CPNE5: variants seen among roughly 807,000 people sequenced by gnomAD.
CPNE5 encodes copine 5, also known as copine-5.
CPNE5 carries 42 observed loss-of-function variants against 81.1 expected under a neutral mutation model. That is an observed-to-expected ratio of 0.52 (90% CI 0.40 to 0.67). The LOEUF is 0.67. Among genes scored for constraint, CPNE5 ranks in the 30% least tolerant of loss-of-function variants. The probability of loss-of-function intolerance (pLI) is 0.00; values close to 1 mark genes in which losing one functional copy is unlikely to be tolerated. For missense variants in CPNE5, 612 were observed against 815.5 expected, an observed-to-expected ratio of 0.75 and a Z score of 3.04; for synonymous variants, 313 against 321.5, an observed-to-expected ratio of 0.97 and a Z score of 0.28.
At chr6:36,772,342 C>G (rs1283211908) in intron 10 of CPNE5, among the ~76,000 whole-genome samples, 1 of 152,122 alleles carries the variant, frequency 6.6e-6, no homozygotes, top group African/African-American at 2.4e-5. Context: ...ACTGCTCCAA[C>G]CAGCCCGTCC....
At chr6:36,750,119 G>T (rs975142067) in intron 14 of CPNE5, among the ~76,000 whole-genome samples, 4 of 152,322 alleles carry the variant, frequency 2.6e-5, no homozygotes, top group African/African-American at 9.6e-5. Context: ...GGGATTATGA[G>T]GACACGAGGC....
At chr6:36,818,326 G>A (rs79513558) in intron 3 of CPNE5, among the ~76,000 whole-genome samples, 57 of 152,106 alleles carry the variant, frequency 3.7e-4, no homozygotes, top group Middle Eastern at 6.8e-3. Context: ...GTCGTTTCCC[G>A]TTAGGATTGT....
At chr6:36,765,218 T>C in intron 11 of CPNE5, 117 bp downstream of exon 11, 52 of 640,208 alleles carry the variant, frequency 8.1e-5, no homozygotes, top group South Asian at 1.5e-4. Flanking sequence ...CCAGGCTCCC[T>C]CACCCCCAGA....
At chr6:36,832,584 T>A (rs993705512) in intron 1 of CPNE5, among the ~76,000 whole-genome samples, 1 of 152,196 alleles carries the variant, frequency 6.6e-6, no homozygotes, top group Non-Finnish European at 1.5e-5. Flanking sequence ...ACTGCTAAGA[T>A]GATAGCAAAA....
Position 36,745,496 on chromosome 6 carries a change from G to A in CPNE5, c.1220C>T (p.Pro407Leu). The change falls in exon 17 of 21, where the codon CCC (proline) becomes CTC (leucine). Residue 407 changes from proline (P) to leucine (L), a missense_variant. By Grantham distance (98) the Pro-to-Leu change is moderately conservative. Transcript: ENST00000244751. ...EFPLNGNQEN[P>L]SCCGIDGILE... ...GATGCCGTCGATGCCACAGCATGAGGGGTTCTCCTGGTTGCCATTCTGGGG... is the reference window on the plus strand; with the variant it reads ...GATGCCGTCGATGCCACAGCATGAGAGGTTCTCCTGGTTGCCATTCTGGGG... 1 of 1,599,392 alleles carries A rather than the reference G, an allele frequency of 6.3e-7. No homozygotes were observed. Among genetic ancestry groups the A allele is most frequent in the Non-Finnish European group, 8.5e-7 (1 of 1,173,272 alleles).
intron 3 of CPNE5, among the ~76,000 whole-genome samples, chr6:36,800,671 A>G (rs907400578): frequency 6.6e-6 from 1 of 152,172 alleles, no homozygotes; most frequent in African/African-American, 2.4e-5. Flanking sequence ...CTAGTGACAC[A>G]CTTGTACTGA....
intron 14 of CPNE5, 71 bp downstream of exon 14, chr6:36,752,963 C>T (rs1765010506): frequency 1.1e-5 from 14 of 1,300,596 alleles, no homozygotes; most frequent in African/African-American, 1.5e-5. Flanking sequence ...GGGGCCAGAG[C>T]CGGTCCTGTC....
intron 10 of CPNE5, among the ~76,000 whole-genome samples, chr6:36,767,660 G>A (rs972005585): frequency 6.6e-6 from 1 of 152,246 alleles, no homozygotes; most frequent in Non-Finnish European, 1.5e-5. Context: ...ATGACCACAT[G>A]CTCAGAGGCT....
intron 3 of CPNE5, among the ~76,000 whole-genome samples, chr6:36,821,800 C>T (rs753916656): frequency 2.0e-5 from 3 of 152,166 alleles, no homozygotes; most frequent in African/African-American, 4.8e-5. Context: ...GCTGCACTCA[C>T]GCCTCCAGCC....
chr6:36,792,289 C>T (rs549776661), intron 7 of CPNE5, 193 bp from the exon 8 acceptor site: 69 of 1,471,764 alleles, frequency 4.7e-5, no homozygotes, highest in South Asian at 1.5e-4. Context: ...TTCCTGGGAC[C>T]GGGTCCCCGA....
chr6:36,774,546 G>A (rs1308081949), intron 10 of CPNE5, among the ~76,000 whole-genome samples: 1 of 152,058 alleles, frequency 6.6e-6, no homozygotes, highest in African/African-American at 2.4e-5. Context: ...CTGCTTCCCT[G>A]CTGCCATCTG....
intron 3 of CPNE5, among the ~76,000 whole-genome samples, chr6:36,802,019 G>A (rs1770151490): frequency 6.6e-6 from 1 of 152,194 alleles, no homozygotes; most frequent in East Asian, 1.9e-4. Flanking sequence ...AAGAGATCGA[G>A]ACCATCCTGG....
intron 8 of CPNE5, among the ~76,000 whole-genome samples, chr6:36,779,989 G>A (rs1687221201): frequency 1.3e-5 from 2 of 148,154 alleles, no homozygotes; most frequent in African/African-American, 2.5e-5. Context: ...TTTTTGAGAC[G>A]GTGTCTCACT....
intron 14 of CPNE5, among the ~76,000 whole-genome samples, chr6:36,750,767 TCTGGC>T (rs1489531894): frequency 1.3e-5 from 2 of 152,296 alleles, no homozygotes; most frequent in East Asian, 3.9e-4. Context: ...GGAAGATGAT[TCTGGC>T]CTGTGGGACT....
Position 36,746,389 on chromosome 6 carries a change from C to A in CPNE5, c.1200+7G>T. The A allele has an allele frequency of 6.2e-7, 1 of 1,606,760 alleles. No individual in the cohort carries two copies. The highest frequency in any genetic ancestry group is 8.5e-7 in the Non-Finnish European group (1 of 1,176,948). On this transcript the variant is annotated splice_region_variant and intron_variant, in intron 16 of 20. Transcript: ENST00000244751. The surrounding 1 kb of genome is among the most constrained non-coding windows in gnomAD (Gnocchi z 4.5). ...CAGTCCTCTCTCCCACCAGCGGGAC[C>A]ACCTACCAGTGGGAACTCGTGGGAC...
intron 8 of CPNE5, among the ~76,000 whole-genome samples, chr6:36,783,526 C>T (rs1394941344): frequency 2.0e-5 from 3 of 151,120 alleles, no homozygotes; most frequent in African/African-American, 2.4e-5. Flanking sequence ...GACAGGTTCT[C>T]TCTCTCTCTC....
chr6:36,744,326 C>T lies in CPNE5; in HGVS notation c.1432-1G>A. The T allele has an allele frequency of 6.3e-7, 1 of 1,580,650 alleles. No homozygotes were observed. Among genetic ancestry groups the T allele is most frequent in the Non-Finnish European group, 8.6e-7 (1 of 1,163,642 alleles). On this transcript the variant is annotated splice_acceptor_variant, in intron 18 of 20. Transcript: ENST00000244751. LOFTEE classifies it high-confidence loss of function. ...TGATGGACATGGGGAGCTTGGCAGCCTGGGAGACAGCATGGGGGGCAGGGA... is the reference window on the plus strand; with the variant it reads ...TGATGGACATGGGGAGCTTGGCAGCTTGGGAGACAGCATGGGGGGCAGGGA...
intron 2 of CPNE5, 132 bp downstream of exon 2, chr6:36,822,926 A>T: frequency 1.5e-6 from 1 of 687,614 alleles, no homozygotes; most frequent in Non-Finnish European, 2.2e-6. Flanking sequence ...GAGAAACATT[A>T]AACAGGCTTG....
intron 9 of CPNE5, among the ~76,000 whole-genome samples, chr6:36,777,802 A>AC (rs1767682722): frequency 2.1e-5 from 2 of 96,630 alleles, no homozygotes; most frequent in South Asian, 4.2e-4. Context: ...ACACACACAC[A>AC]ATTTCAAGGG....
Sources: gnomAD v4.1 joint callset for allele counts (sites outside exome capture counted in the v4.1 genomes callset) on GRCh38, gnomAD v4.1.1 for gene constraint, Gnocchi (gnomAD v3.1) non-coding constraint, MANE v1.5 for transcripts, NCBI Gene and HGNC (gene_info 2026-07-23, HGNC 2026-07-21) for gene names.